Variants in LYRM4 observed in about 807,000 individuals in gnomAD.
The protein encoded by LYRM4 is LYR motif-containing protein 4.
In LYRM4, 9 loss-of-function variants were observed where a neutral mutation model predicts 11.7. The ratio of observed to expected loss-of-function variants is 0.77; its 90% CI spans 0.46 to 1.34. The LOEUF is 1.34. Ranked by LOEUF, LYRM4 falls within the 40% of genes most tolerant of loss-of-function variation. The pLI, the probability that LYRM4 is intolerant of heterozygous loss-of-function variation, is 0.00. For missense variants in LYRM4, 133 were observed against 112.5 expected (o/e 1.18, Z -0.82); for synonymous variants, 42 against 40.4 (o/e 1.04, Z -0.15).
In LYRM4 at chr6:5,113,932, T is replaced by C. The variant is rs145932657; in HGVS notation, c.208-4441A>G. On this transcript the variant is annotated intron_variant, in intron 2 of 2. Coordinates refer to ENST00000330636, the MANE Select transcript of LYRM4 (RefSeq NM_020408.6). ...AACTATGAGCCTACGTTATGAAAAT[T>C]TGAGATAACCACATGAGATAACTGT... Among the ~76,000 whole-genome samples, 120 of 152,318 alleles carry C rather than the reference T, an allele frequency of 7.9e-4. 1 individual carries two copies. In the South Asian group the frequency reaches 9.3e-3, roughly 12 times the overall value.
At chr6:5,246,965 T>C (rs977456770) in intron 1 of LYRM4, among the ~76,000 whole-genome samples, 1 of 152,042 alleles carries the variant, frequency 6.6e-6, no homozygotes, top group African/African-American at 2.4e-5. Flanking sequence ...ATCTGAGGTG[T>C]CTGGACATAC....
intron 1 of LYRM4, among the ~76,000 whole-genome samples, chr6:5,223,241 T>A (rs1762689566): frequency 6.6e-6 from 1 of 152,230 alleles, no homozygotes; most frequent in Admixed American, 6.5e-5. Context: ...TCCACAGTCA[T>A]TTGCATTGCT....
intron 2 of LYRM4, among the ~76,000 whole-genome samples, chr6:5,210,459 A>T (rs976243787): frequency 1.4e-5 from 2 of 147,000 alleles, no homozygotes; most frequent in Admixed American, 6.8e-5. Flanking sequence ...GCTTCCAGTT[A>T]AAAAAAAAAA....
At chr6:5,048,065 A>G in the LYRM4 span, among the ~76,000 whole-genome samples, 9 of 152,210 alleles carry the variant, frequency 5.9e-5, no homozygotes, top group Non-Finnish European at 1.0e-4. Flanking sequence ...GGATAACCTT[A>G]ATCTCTCTTA....
the LYRM4 span, chr6:5,066,073 T>A: frequency 2.4e-6 from 1 of 411,712 alleles, no homozygotes; most frequent in Non-Finnish European, 4.6e-6. Flanking sequence ...TAAATTTCCA[T>A]GAGGAGTCAT....
the LYRM4 span, among the ~76,000 whole-genome samples, chr6:5,078,566 C>T: frequency 3.9e-5 from 6 of 152,200 alleles, no homozygotes; most frequent in South Asian, 2.1e-4. Flanking sequence ...TAAATGGCTT[C>T]GGTTAAACAC....
At chr6:5,055,535 G>A in the LYRM4 span, among the ~76,000 whole-genome samples, 2 of 152,098 alleles carry the variant, frequency 1.3e-5, no homozygotes, top group Non-Finnish European at 2.9e-5. This position sits in a 1 kb window ranked among gnomAD's most constrained non-coding sequence, Gnocchi z 4.5. Context: ...AATAGGACAC[G>A]TTCCTCAAGA....
intron 2 of LYRM4, among the ~76,000 whole-genome samples, chr6:5,192,034 A>G (rs1760784826): frequency 6.6e-6 from 1 of 152,238 alleles, no homozygotes; most frequent in African/African-American, 2.4e-5. Context: ...AATGCATGCA[A>G]TGCTTGATGC....
chr6:5,074,858 C>G, the LYRM4 span, among the ~76,000 whole-genome samples: 1 of 151,822 alleles, frequency 6.6e-6, no homozygotes, highest in Non-Finnish European at 1.5e-5. Flanking sequence ...GGCTGTTGTC[C>G]CTGCTAAATC....
At chr6:5,066,891 G>T in the LYRM4 span, 5 of 1,134,798 alleles carry the variant, frequency 4.4e-6, no homozygotes, top group Non-Finnish European at 6.3e-6. Flanking sequence ...CTTTCGCATC[G>T]CCGCTCCAGA....
intron 2 of LYRM4, among the ~76,000 whole-genome samples, chr6:5,135,653 G>A (rs906873932): frequency 6.6e-6 from 1 of 152,148 alleles, no homozygotes; most frequent in Non-Finnish European, 1.5e-5. Context: ...CCAAAGACGA[G>A]AACTTTCTTT....
At chr6:5,046,037 C>T in the LYRM4 span, among the ~76,000 whole-genome samples, 222 of 152,302 alleles carry the variant, frequency 1.5e-3, no homozygotes, top group African/African-American at 4.9e-3. Flanking sequence ...GGGCACATTC[C>T]CCTAGGCACA....
intron 2 of LYRM4, among the ~76,000 whole-genome samples, chr6:5,146,103 G>A (rs893443115): frequency 2.0e-5 from 3 of 152,164 alleles, no homozygotes; most frequent in Non-Finnish European, 4.4e-5. Flanking sequence ...TGGTGCTTCT[G>A]GCACTGGATT....
At chr6:5,172,658 T>G (rs114984482) in intron 2 of LYRM4, among the ~76,000 whole-genome samples, 2,003 of 152,258 alleles carry the variant, frequency 0.013, 37 homozygotes, top group African/African-American at 0.044. Context: ...CAGACACTGT[T>G]TTGTTTATCA....
the LYRM4 span, chr6:5,054,065 A>G: frequency 4.2e-6 from 4 of 959,888 alleles, no homozygotes; most frequent in Non-Finnish European, 5.0e-6. Context: ...TTCTAGCTTA[A>G]TTAGCCTCTT....
the LYRM4 span, chr6:5,031,967 T>C: frequency 6.6e-6 from 1 of 152,212 alleles, no homozygotes; most frequent in African/African-American, 2.4e-5. Flanking sequence ...ATTTTTCTAC[T>C]TTGTTCTTGC....
the LYRM4 span, chr6:5,067,021 G>A: frequency 5.3e-6 from 3 of 566,418 alleles, no homozygotes; most frequent in Non-Finnish European, 8.2e-6. Context: ...ATTACCGGGG[G>A]TTGCTACTGC....
At chr6:5,231,823 T>C (rs1763259684) in intron 1 of LYRM4, among the ~76,000 whole-genome samples, 1 of 152,234 alleles carries the variant, frequency 6.6e-6, no homozygotes, top group South Asian at 2.1e-4. Flanking sequence ...TGGCTATTTA[T>C]AATACAAATA....
the LYRM4 span, chr6:5,085,350 G>C: frequency 1.6e-4 from 102 of 637,314 alleles, no homozygotes; most frequent in African/African-American, 1.9e-3. Context: ...ACGTTGTCTT[G>C]TCGAGCCTGG....
Sources: gnomAD v4.1 joint callset for allele counts (sites outside exome capture counted in the v4.1 genomes callset) on GRCh38, gnomAD v4.1.1 for gene constraint, Gnocchi (gnomAD v3.1) non-coding constraint, MANE v1.5 for transcripts, NCBI Gene and HGNC (gene_info 2026-07-23, HGNC 2026-07-21) for gene names.